Variants in TMCC1 observed in about 807,000 individuals in gnomAD.
The protein encoded by TMCC1 is transmembrane and coiled-coil domains protein 1.
In TMCC1, 15 loss-of-function variants were observed where a neutral mutation model predicts 52.4. The ratio of observed to expected loss-of-function variants is 0.29; its 90% CI spans 0.19 to 0.44. TMCC1 has a LOEUF of 0.44. TMCC1 is among the 20% of genes least tolerant of loss of function. The probability of loss-of-function intolerance (pLI) is 1.00; values close to 1 mark genes in which losing one functional copy is unlikely to be tolerated. For synonymous variants in TMCC1, 279 were observed against 301.9 expected, an observed-to-expected ratio of 0.92 and a Z score of 0.79; for missense variants, 503 against 806.0, an observed-to-expected ratio of 0.62 and a Z score of 4.55.
chr3:129,715,633 C>T (rs950252135), intron 4 of TMCC1, among the ~76,000 whole-genome samples: 1 of 152,180 alleles, frequency 6.6e-6, no homozygotes, highest in Non-Finnish European at 1.5e-5. Flanking sequence ...TTTATATTGA[C>T]ATTCCTTATT....
chr3:129,890,251 A>G lies in TMCC1; in HGVS notation c.-435+3243T>C, dbSNP rs1007533802. 7.2e-5 allele frequency among the ~76,000 whole-genome samples: 11 copies of G among 152,368 alleles called. No homozygotes were observed. The East Asian group carries it at 1.9e-3, about 27-fold the overall frequency. On this transcript the variant is annotated intron_variant, in intron 1 of 6. Transcript: ENST00000393238. ...AACTAACAGAGTTACACCTATACCC[A>G]TTTAACTTACAAGCCAACCTCTGGC...
intron 4 of TMCC1, chr3:129,794,207 A>T: frequency 4.8e-6 from 2 of 419,808 alleles, no homozygotes; most frequent in Non-Finnish European, 9.4e-6. Context: ...TTCCTCCCTC[A>T]GCCCCTCCTT....
rs1560542783 is a variant in TMCC1, at chr3:129,849,242, CA to C, written c.-183-16417del. Among the ~76,000 whole-genome samples, 3 of 152,116 alleles carry C rather than the reference CA, an allele frequency of 2.0e-5. No individual in the cohort carries two copies. The South Asian group carries it at 6.2e-4, about 32-fold the overall frequency. On this transcript the variant is annotated intron_variant, in intron 2 of 6. Coordinates refer to ENST00000393238, the MANE Select transcript of TMCC1 (RefSeq NM_001017395.5). ...CTTTGGGAGGCCAAGGTGGGCAGATCACCTGAGGTCAGGAGTTCGAGACCAG... is the reference window on the plus strand; with the variant it reads ...CTTTGGGAGGCCAAGGTGGGCAGATCCCTGAGGTCAGGAGTTCGAGACCAG...
chr3:129,651,307 T>C lies in TMCC1; in HGVS notation c.*174A>G. 3 of 739,976 alleles carry C rather than the reference T, an allele frequency of 4.1e-6. No homozygotes were observed. Among genetic ancestry groups the C allele is most frequent in the Non-Finnish European group, 6.2e-6 (3 of 481,598 alleles). The allele number at this position is 739,976 out of a possible 1,614,324, so 45.8% of individuals were successfully genotyped here. On this transcript the variant is annotated 3_prime_UTR_variant, in exon 7 of 7. Transcript: ENST00000393238. The surrounding 1 kb of genome is among the most constrained non-coding windows in gnomAD (Gnocchi z 5.1). ...CCCAAAAAACTTCTTGGATAAAATC[T>C]AAAAAATACTATTGCAATTGCGTCT...
At chr3:129,783,189 C>T (rs745441562) in intron 4 of TMCC1, among the ~76,000 whole-genome samples, 5 of 152,160 alleles carry the variant, frequency 3.3e-5, no homozygotes, top group Admixed American at 6.5e-5. Context: ...ATTCCTTTTA[C>T]TCTCTTTAGC....
At position 129,838,238 on chromosome 3, in the gene TMCC1, C is replaced by T. The variant is rs563865387; in HGVS notation, c.-183-5412G>A. On this transcript the variant is annotated intron_variant, in intron 2 of 6. Transcript: ENST00000393238. ...TGGGCAGCATAGGGAGACCTCATCC[C>T]TAAAAATAAACAAAAAAATCAGCCG... Among the ~76,000 whole-genome samples the T allele has an allele frequency of 6.2e-4, 94 of 151,858 alleles. 1 individual carries two copies. The South Asian group carries it at 0.019, about 31-fold the overall frequency.
intron 2 of TMCC1, among the ~76,000 whole-genome samples, chr3:129,851,525 C>T (rs2059913106): frequency 6.6e-6 from 1 of 152,084 alleles, no homozygotes; most frequent in African/African-American, 2.4e-5. Flanking sequence ...TTCAGATATG[C>T]TATCTTAATC....
chr3:129,700,337 A>C (rs368334550), intron 4 of TMCC1, among the ~76,000 whole-genome samples: 4 of 152,350 alleles, frequency 2.6e-5, no homozygotes, highest in African/African-American at 9.6e-5. Flanking sequence ...CATCTCTGTC[A>C]AAATATTTTT....
chr3:129,784,073 C>T (rs563429522), intron 4 of TMCC1, among the ~76,000 whole-genome samples: 21 of 152,056 alleles, frequency 1.4e-4, no homozygotes, highest in African/African-American at 4.3e-4. Context: ...GGGGTGAAGA[C>T]GGCAGTGGTA....
At chr3:129,772,722 C>CAAAAAAAA (rs34785535) in intron 4 of TMCC1, among the ~76,000 whole-genome samples, 1 of 76,190 alleles carries the variant, frequency 1.3e-5, no homozygotes, top group South Asian at 4.9e-4. Flanking sequence ...GACTCCGCCT[C>CAAAAAAAA]AAAAAAAAAA....
In TMCC1 at chr3:129,875,876, G is replaced by A. The variant is rs149271260; in HGVS notation, c.-184+4433C>T. 2.6e-3 allele frequency among the ~76,000 whole-genome samples: 391 copies of A among 152,280 alleles called. 1 individual carries two copies. The highest frequency in any genetic ancestry group is 8.4e-3 in the African/African-American group (348 of 41,568). ...AGGGCCGGTGCCGTGGCTCACGCCC[G>A]TAATCCCAGCACTTTGGGAGGCCAA... is the stretch of plus-strand genomic sequence containing the variant. On this transcript the variant is annotated intron_variant, in intron 2 of 6. Coordinates refer to ENST00000393238, the MANE Select transcript of TMCC1 (RefSeq NM_001017395.5).
At chr3:129,765,263 G>C (rs2054031684) in intron 4 of TMCC1, among the ~76,000 whole-genome samples, 1 of 151,944 alleles carries the variant, frequency 6.6e-6, no homozygotes, top group African/African-American at 2.4e-5. Flanking sequence ...AAGAAAACAG[G>C]CACAAATTTG....
rs147564374 is a variant in TMCC1 at position 129,811,817 on chromosome 3, G to A, written c.576+15986C>T. On this transcript the variant is annotated intron_variant, in intron 4 of 6. Transcript: ENST00000393238. Reference sequence around the variant, plus strand: ...AACTTAGCTGGGCGTGGTGGCATGCGCCTGTAATCCCAGCTACTCAGGAGG... The same window carrying A: ...AACTTAGCTGGGCGTGGTGGCATGCACCTGTAATCCCAGCTACTCAGGAGG... Among the ~76,000 whole-genome samples the A allele has an allele frequency of 3.1e-3, 467 of 151,598 alleles. 4 individuals carry two copies. The highest frequency in any genetic ancestry group is 5.2e-3 in the South Asian group (25 of 4,780).
chr3:129,681,753 C>G (rs557785209), intron 4 of TMCC1, among the ~76,000 whole-genome samples: 1 of 151,652 alleles, frequency 6.6e-6, no homozygotes, highest in South Asian at 2.1e-4. Flanking sequence ...ACTAAAAATA[C>G]AAAAATTAGC....
Position 129,843,174 on chromosome 3 carries a change from A to T in TMCC1, c.-183-10348T>A, listed in dbSNP as rs375417665. Among the ~76,000 whole-genome samples, 7 of 152,116 alleles carry T rather than the reference A, an allele frequency of 4.6e-5. No individual in the cohort carries two copies. The East Asian group carries it at 1.4e-3, about 29-fold the overall frequency. On this transcript the variant is annotated intron_variant, in intron 2 of 6. Transcript: ENST00000393238. ...ATCCCAGCTAACACAGTGAAACCCC[A>T]TTTGTACTGAAAATACAAAAAAATT...
chr3:129,834,556 T>C (rs2059070540), intron 2 of TMCC1, among the ~76,000 whole-genome samples: 1 of 152,106 alleles, frequency 6.6e-6, no homozygotes, highest in Admixed American at 6.5e-5. Context: ...AGATCCACTA[T>C]AGGATTTCCA....
Position 129,651,911 on chromosome 3 carries a change from T to TATAGA in TMCC1, c.1648-117_1648-116insTCTAT. The TATAGA allele has an allele frequency of 1.2e-5, 13 of 1,119,246 alleles. No individual in the cohort carries two copies. Among genetic ancestry groups the TATAGA allele is most frequent in the Admixed American group, 2.8e-5 (1 of 35,200 alleles). 69.3% of individuals were successfully genotyped at this position (1,119,246 alleles called of 1,614,324 possible). A position where few individuals can be genotyped will look rare whatever the true frequency, so the allele number is the denominator to read the frequency against. On this transcript the variant is annotated intron_variant, in intron 6 of 6. Transcript: ENST00000393238. The surrounding 1 kb of genome is among the most constrained non-coding windows in gnomAD (Gnocchi z 5.1). Reference sequence around the variant, plus strand: ...AGCAATGCCAATGATTTTATAAATATGCTGGAGCCTTGAATGAATGTAAAA... The same window carrying TATAGA: ...AGCAATGCCAATGATTTTATAAATATATAGAGCTGGAGCCTTGAATGAATGTAAAA...
At chr3:129,794,603 C>T (rs1413044211) in intron 4 of TMCC1, among the ~76,000 whole-genome samples, 5 of 152,180 alleles carry the variant, frequency 3.3e-5, no homozygotes, top group Non-Finnish European at 2.9e-5. Context: ...CAGTGCCAAG[C>T]TCTTCTAGCA....
intron 4 of TMCC1, among the ~76,000 whole-genome samples, chr3:129,809,965 T>C (rs1424195079): frequency 2.0e-5 from 3 of 152,202 alleles, no homozygotes; most frequent in African/African-American, 4.8e-5. Flanking sequence ...CTCATAACAA[T>C]GAAAACAACA....
Sources: gnomAD v4.1 joint callset for allele counts (sites outside exome capture counted in the v4.1 genomes callset) on GRCh38, gnomAD v4.1.1 for gene constraint, Gnocchi (gnomAD v3.1) non-coding constraint, MANE v1.5 for transcripts, NCBI Gene and HGNC (gene_info 2026-07-23, HGNC 2026-07-21) for gene names.